The following TRAF3 variants were observed in gnomAD, a reference collection of about 807,000 sequenced individuals.
The protein encoded by TRAF3 is TNF receptor associated factor 3, also known as TNF receptor-associated factor 3.
In TRAF3, 13 loss-of-function variants were observed where a neutral mutation model predicts 62.3. That is an observed-to-expected ratio of 0.21 (90% CI 0.14 to 0.33). The LOEUF is 0.33. Among genes scored for constraint, TRAF3 ranks in the 10% least tolerant of loss-of-function variants. TRAF3 has a pLI of 1.00. For synonymous variants in TRAF3, 269 were observed against 283.4 expected (o/e 0.95, Z 0.51); for missense variants, 440 against 741.8 (o/e 0.59, Z 4.73).
intron 1 of TRAF3, among the ~76,000 whole-genome samples, chr14:102,798,289 A>G (rs1898210448): frequency 6.7e-6 from 1 of 148,848 alleles, no homozygotes; most frequent in Non-Finnish European, 1.5e-5. Context: ...TGGTGCGATC[A>G]CAGCTCACTG....
chr14:102,848,649 A>G (rs1886858452), intron 2 of TRAF3, among the ~76,000 whole-genome samples: 4 of 152,234 alleles, frequency 2.6e-5, no homozygotes, highest in Non-Finnish European at 5.9e-5. Flanking sequence ...TGTTTGAAGC[A>G]GCGTCCAAAT....
intron 2 of TRAF3, among the ~76,000 whole-genome samples, chr14:102,851,307 TCAAAGGTTTTTA>T (rs1887023872): frequency 6.6e-6 from 1 of 152,220 alleles, no homozygotes; most frequent in Admixed American, 6.5e-5. Context: ...AGAAATCTAA[TCAAAGGTTTTTA>T]CAATCCTTCC....
chr14:102,800,926 C>T (rs1022056977), intron 1 of TRAF3, among the ~76,000 whole-genome samples: 1 of 151,074 alleles, frequency 6.6e-6, no homozygotes, highest in African/African-American at 2.4e-5. Context: ...CACCTGTAAT[C>T]CCAGCACTTT....
Position 102,905,583 on chromosome 14 carries a change from G to A in TRAF3, c.1506G>A (p.Gly502=), listed in dbSNP as rs1366149634. 1 of 1,614,150 alleles carries A rather than the reference G, an allele frequency of 6.2e-7. No individual in the cohort carries two copies. Residue 502 remains glycine (G), a synonymous_variant, in exon 12 of 12, where the codon GGG becomes GGA. Coordinates refer to ENST00000392745, the MANE Select transcript of TRAF3 (RefSeq NM_145725.3). The stretch of plus-strand genomic sequence containing the variant: ...TGACACTCATGCTGATGGATCAGGG[G>A]TCCTCTCGACGTCATTTGGGAGATG... ...QKVTLMLMDQ[G]SSRRHLGDAF...
intron 2 of TRAF3, among the ~76,000 whole-genome samples, chr14:102,859,976 C>T (rs570916142): frequency 8.5e-5 from 13 of 152,276 alleles, no homozygotes; most frequent in Middle Eastern, 3.4e-3. Flanking sequence ...CAAAGAGAAA[C>T]GCTACAGAAC....
intron 6 of TRAF3, among the ~76,000 whole-genome samples, chr14:102,881,537 A>G (rs144551501): frequency 2.9e-4 from 44 of 152,304 alleles, no homozygotes; most frequent in African/African-American, 9.6e-4. Context: ...GAGCTGAACA[A>G]TGAGAACACA....
In TRAF3 at chr14:102,876,538, C is replaced by G; in HGVS notation, c.570+13C>G. The G allele has an allele frequency of 1.2e-6, 2 of 1,612,174 alleles. No individual in the cohort carries two copies. The highest frequency in any genetic ancestry group is 1.1e-5 in the South Asian group (1 of 90,818). On this transcript the variant is annotated intron_variant, in intron 6 of 11. Transcript: ENST00000392745. ...GATCGCGCTGCAGGTGCGGGTCCTC[C>G]CATTCCACAGGCCTTCCACTCAATT...
At chr14:102,893,642 C>T (rs538837196) in intron 9 of TRAF3, among the ~76,000 whole-genome samples, 1 of 152,222 alleles carries the variant, frequency 6.6e-6, no homozygotes, top group Non-Finnish European at 1.5e-5. Context: ...ACACACAGTG[C>T]AGCAGTTTCT....
At chr14:102,777,802 G>C (rs1427383598) in intron 1 of TRAF3, 127 bp downstream of exon 1, 1 of 145,122 alleles carries the variant, frequency 6.9e-6, no homozygotes, top group Non-Finnish European at 1.5e-5. Flanking sequence ...CGGGCCCGGC[G>C]CGGCGCAGGC....
intron 2 of TRAF3, among the ~76,000 whole-genome samples, chr14:102,837,118 TTG>T (rs139388630): frequency 0.054 from 4,225 of 78,206 alleles, 204 homozygotes; most frequent in African/African-American, 0.31. Context: ...AGCAAGTAAT[TTG>T]TGTGTGTGTG....
intron 6 of TRAF3, among the ~76,000 whole-genome samples, chr14:102,880,249 C>A (rs2098273983): frequency 6.6e-6 from 1 of 152,280 alleles, no homozygotes; most frequent in Middle Eastern, 3.4e-3. Flanking sequence ...AAGGCCAAAG[C>A]AGGAGGATTG....
rs1394577181 is a variant in TRAF3 at position 102,905,327 on chromosome 14, T to C, written c.1250T>C (p.Val417Ala). Reference protein sequence around the residue: ...QVLETASYNGVLIWKIRDYKR... With the variant: ...QVLETASYNGALIWKIRDYKR... ...CTGGAGACCGCCAGCTACAATGGAGTGCTCATCTGGAAGATTCGCGACTAC... is the reference window on the plus strand; with the variant it reads ...CTGGAGACCGCCAGCTACAATGGAGCGCTCATCTGGAAGATTCGCGACTAC... The change falls in exon 12 of 12, where the codon GTG becomes GCG. Residue 417 changes from valine to alanine, a missense_variant. Physicochemically the swap from Val to Ala is moderately conservative, Grantham distance 64. Around this residue, in one of 6 missense-constraint regions of TRAF3, gnomAD observed 42 missense variants for 86.1 expected, o/e 0.49. Coordinates refer to ENST00000392745, the MANE Select transcript of TRAF3 (RefSeq NM_145725.3). 1 of 1,614,070 alleles carries C rather than the reference T, an allele frequency of 6.2e-7. No individual in the cohort carries two copies. Among genetic ancestry groups the C allele is most frequent in the Admixed American group, 1.7e-5 (1 of 60,016 alleles).
Position 102,871,014 on chromosome 14 carries a change from G to A in TRAF3, c.245+568G>A, listed in dbSNP as rs557327187. ...TGGAGCTTTACTGCAGAATAGCATC[G>A]GCCAGAAGAGCACCTTGATTCACCC... is the stretch of plus-strand genomic sequence containing the variant. On this transcript the variant is annotated intron_variant, in intron 3 of 11. Coordinates refer to ENST00000392745, the MANE Select transcript of TRAF3 (RefSeq NM_145725.3). Among the ~76,000 whole-genome samples, 80 of 152,312 alleles carry A rather than the reference G, an allele frequency of 5.3e-4. 1 individual carries two copies. The South Asian group carries it at 0.016, about 30-fold the overall frequency.
At chr14:102,801,957 A>G (rs1481762357) in intron 1 of TRAF3, among the ~76,000 whole-genome samples, 3 of 146,834 alleles carry the variant, frequency 2.0e-5, no homozygotes. Flanking sequence ...CGGAGCTTGC[A>G]GTGAGCCGAG....
chr14:102,841,839 A>C (rs1295913872), intron 2 of TRAF3, among the ~76,000 whole-genome samples: 2 of 152,188 alleles, frequency 1.3e-5, no homozygotes, highest in Admixed American at 1.3e-4. Flanking sequence ...TAACTTATAA[A>C]TATGTTGCAC....
At chr14:102,896,387 A>G (rs11627771) in intron 9 of TRAF3, among the ~76,000 whole-genome samples, 2,842 of 152,274 alleles carry the variant, frequency 0.019, 35 homozygotes, top group African/African-American at 0.022. Flanking sequence ...CCACGTCTAA[A>G]TGAGAGTGCA....
chr14:102,830,760 T>G (rs964291478), intron 2 of TRAF3, among the ~76,000 whole-genome samples: 1 of 152,172 alleles, frequency 6.6e-6, no homozygotes, highest in Non-Finnish European at 1.5e-5. Context: ...GCTTGACATC[T>G]CCATTTCTGC....
Position 102,780,975 on chromosome 14 carries a change from G to T in TRAF3, c.-157+3300G>T, listed in dbSNP as rs561190421. Among the ~76,000 whole-genome samples the T allele has an allele frequency of 7.9e-5, 12 of 152,304 alleles. 1 individual carries two copies. The South Asian group carries it at 2.5e-3, about 32-fold the overall frequency. On this transcript the variant is annotated intron_variant, in intron 1 of 11. Coordinates refer to ENST00000392745, the MANE Select transcript of TRAF3 (RefSeq NM_145725.3). ...CTGCCCTCAGGGTGCTAACCCTTCG[G>T]GGGAGAATACTTTCTCCCACCAGGA...
intron 2 of TRAF3, among the ~76,000 whole-genome samples, chr14:102,859,049 G>GT (rs1427917502): frequency 1.3e-5 from 2 of 152,132 alleles, no homozygotes; most frequent in Admixed American, 1.3e-4. Flanking sequence ...TTACGGAACT[G>GT]TATCATACCC....
Sources: gnomAD v4.1 joint callset for allele counts (sites outside exome capture counted in the v4.1 genomes callset) on GRCh38, gnomAD v4.1.1 for gene constraint, gnomAD v4.1.1 regional missense constraint, MANE v1.5 for transcripts, NCBI Gene and HGNC (gene_info 2026-07-23, HGNC 2026-07-21) for gene names.